SKI: variants seen among roughly 807,000 people sequenced by gnomAD.
SKI encodes SKI proto-oncogene.
A neutral mutation model predicts 59.3 loss-of-function variants in SKI; 23 were observed. The ratio of observed to expected loss-of-function variants is 0.39; its 90% CI spans 0.28 to 0.55. SKI has a LOEUF of 0.55. Among genes scored for constraint, SKI ranks in the 20% least tolerant of loss-of-function variants. The pLI is 0.67. For missense variants in SKI, 1,017 were observed against 1,038.9 expected (o/e 0.98, Z 0.29); for synonymous variants, 673 against 488.6 (o/e 1.38, Z -4.98).
Position 2,303,485 on chromosome 1 carries a change from A to G in SKI, c.1211+85A>G. The G allele has an allele frequency of 7.9e-7, 1 of 1,268,672 alleles. No individual in the cohort carries two copies. Among genetic ancestry groups the G allele is most frequent in the South Asian group, 1.2e-5 (1 of 80,942 alleles). The allele number at this position is 1,268,672 out of a possible 1,614,324, so 78.6% of individuals were successfully genotyped here. A position where few individuals can be genotyped will look rare whatever the true frequency, so the allele number is the denominator to read the frequency against. On this transcript the variant is annotated intron_variant, in intron 3 of 6. Coordinates refer to ENST00000378536, the MANE Select transcript of SKI (RefSeq NM_003036.4). The surrounding 1 kb of genome is among the most constrained non-coding windows in gnomAD (Gnocchi z 5.6). Reference sequence around the variant, plus strand: ...CATGCGGACGCGCCCATGTTTCTGCAGGCTGGGTGCCCAGACCTGCCGCCT... The same window carrying G: ...CATGCGGACGCGCCCATGTTTCTGCGGGCTGGGTGCCCAGACCTGCCGCCT...
At chr1:2,302,809 G>A (rs1477312290) in intron 1 of SKI, among the ~76,000 whole-genome samples, 169 bp from the exon 2 acceptor site, 1 of 152,204 alleles carries the variant, frequency 6.6e-6, no homozygotes, top group Non-Finnish European at 1.5e-5. Context: ...TTTATGCAAA[G>A]TGAACTTGGT....
At chr1:2,234,683 C>G (rs529887592) in intron 1 of SKI, among the ~76,000 whole-genome samples, 1 of 152,338 alleles carries the variant, frequency 6.6e-6, no homozygotes, top group African/African-American at 2.4e-5. Flanking sequence ...GCCCGGCTCT[C>G]TGTGGCAATA....
intron 1 of SKI, among the ~76,000 whole-genome samples, chr1:2,271,567 C>T (rs540808498): frequency 1.3e-5 from 2 of 152,134 alleles, no homozygotes; most frequent in Admixed American, 6.5e-5. Flanking sequence ...GTTGGCTGCC[C>T]TGCCCCGGGC....
At chr1:2,230,305 C>G (rs975240216) in intron 1 of SKI, among the ~76,000 whole-genome samples, 60 of 152,138 alleles carry the variant, frequency 3.9e-4, no homozygotes, top group African/African-American at 1.4e-3. Flanking sequence ...GGGACACAGA[C>G]ACAAAATGAA....
intron 1 of SKI, among the ~76,000 whole-genome samples, chr1:2,273,086 G>C (rs1159136828): frequency 1.3e-5 from 2 of 152,254 alleles, no homozygotes; most frequent in Non-Finnish European, 2.9e-5. Flanking sequence ...CTCTTCCTGA[G>C]ATGGCTTCCG....
At chr1:2,275,194 C>G (rs1042783684) in intron 1 of SKI, among the ~76,000 whole-genome samples, 5 of 152,228 alleles carry the variant, frequency 3.3e-5, no homozygotes, top group Non-Finnish European at 5.9e-5. Flanking sequence ...TCGCGGGGTC[C>G]TGGTCTGATT....
intron 1 of SKI, among the ~76,000 whole-genome samples, chr1:2,244,815 G>A (rs1372541247): frequency 6.6e-6 from 1 of 152,160 alleles, no homozygotes; most frequent in Admixed American, 6.5e-5. Context: ...TAGGCTGACA[G>A]TGAAGGAATG....
rs970699933 is a variant in SKI at position 2,265,786 on chromosome 1, G to A, written c.969+36051G>A. On this transcript the variant is annotated intron_variant, in intron 1 of 6. Transcript: ENST00000378536. ...GTTTGAGACCAGCCTGGGCAACATG[G>A]AGAAACCCTGTCTCTACTTAAAAAT... Among the ~76,000 whole-genome samples, 4 of 152,002 alleles carry A rather than the reference G, an allele frequency of 2.6e-5. No homozygotes were observed. The East Asian group carries it at 7.7e-4, about 29-fold the overall frequency.
At chr1:2,236,963 GAA>G (rs1361061286) in intron 1 of SKI, among the ~76,000 whole-genome samples, 1 of 152,200 alleles carries the variant, frequency 6.6e-6, no homozygotes, top group Non-Finnish European at 1.5e-5. Flanking sequence ...TTGTTTCAGA[GAA>G]ACGCAGCTCA....
chr1:2,283,719 C>A (rs1295909391), intron 1 of SKI, among the ~76,000 whole-genome samples: 4 of 152,202 alleles, frequency 2.6e-5, no homozygotes, highest in Admixed American at 1.3e-4. Flanking sequence ...GCCCTGCTGC[C>A]CATGGCCCGG....
Position 2,303,209 on chromosome 1 carries a change from A to G in SKI, c.1096-76A>G. The G allele has an allele frequency of 6.3e-7, 1 of 1,597,594 alleles. No individual in the cohort carries two copies. The stretch of plus-strand genomic sequence containing the variant: ...CACCTGCCCGCTACTGAGGGCTGGC[A>G]CCCGGCGCAGCCTCAGGGACATGAA... On this transcript the variant is annotated intron_variant, in intron 2 of 6. Coordinates refer to ENST00000378536, the MANE Select transcript of SKI (RefSeq NM_003036.4). This position sits in a 1 kb window ranked among gnomAD's most constrained non-coding sequence, Gnocchi z 5.6.
chr1:2,245,243 T>C (rs943524421), intron 1 of SKI, among the ~76,000 whole-genome samples: 16 of 152,086 alleles, frequency 1.1e-4, no homozygotes, highest in African/African-American at 3.4e-4. Context: ...GGCGCAGCCA[T>C]GCGTAGCCTG....
chr1:2,256,687 G>A (rs1639281792), intron 1 of SKI, among the ~76,000 whole-genome samples: 1 of 152,224 alleles, frequency 6.6e-6, no homozygotes, highest in African/African-American at 2.4e-5. Context: ...AACACTTGTC[G>A]GCGCTCCTCA....
intron 1 of SKI, among the ~76,000 whole-genome samples, chr1:2,274,249 G>A (rs565562674): frequency 6.6e-6 from 1 of 152,240 alleles, no homozygotes; most frequent in South Asian, 2.1e-4. Flanking sequence ...GTTAAATAAA[G>A]ACACAAACTT....
At chr1:2,265,537 G>A (rs1489994072) in intron 1 of SKI, among the ~76,000 whole-genome samples, 1 of 152,144 alleles carries the variant, frequency 6.6e-6, no homozygotes, top group Non-Finnish European at 1.5e-5. Context: ...AGTGTTCTCT[G>A]TGAATTTCTA....
intron 1 of SKI, among the ~76,000 whole-genome samples, chr1:2,239,545 G>C (rs1638821344): frequency 6.6e-6 from 1 of 152,232 alleles, no homozygotes; most frequent in African/African-American, 2.4e-5. Context: ...ACACACCCTG[G>C]ACCTGAATGG....
rs1383522448 is a variant in SKI, at chr1:2,303,913, G to A, written c.1285G>A (p.Val429Ile). 1 of 1,612,218 alleles carries A rather than the reference G, an allele frequency of 6.2e-7. No homozygotes were observed. The highest frequency in any genetic ancestry group is 8.5e-7 in the Non-Finnish European group (1 of 1,179,764). Residue 429 changes from valine (V) to isoleucine (I), a missense_variant, in exon 4 of 7, where the codon GTT becomes ATT. By Grantham distance (29) the Val-to-Ile change is conservative. Transcript: ENST00000378536. This position sits in a 1 kb window ranked among gnomAD's most constrained non-coding sequence, Gnocchi z 5.6. The part of the protein sequence containing the change: ...VALAPPAQQK[V>I]VSSPPCAAAV... ...CCTCGCACCGCCGGCCCAGCAGAAGGTTGTGAGCAGCCCTCCGTGTGCCGC... is the reference window on the plus strand; with the variant it reads ...CCTCGCACCGCCGGCCCAGCAGAAGATTGTGAGCAGCCCTCCGTGTGCCGC...
chr1:2,264,954 G>A (rs1003433090), intron 1 of SKI, among the ~76,000 whole-genome samples: 30 of 152,040 alleles, frequency 2.0e-4, no homozygotes, highest in Non-Finnish European at 1.8e-4. Context: ...GGGATTACAG[G>A]CACCCGCCAC....
chr1:2,258,028 G>A (rs993904398), intron 1 of SKI, among the ~76,000 whole-genome samples: 5 of 152,220 alleles, frequency 3.3e-5, no homozygotes, highest in African/African-American at 9.7e-5. Context: ...TTGATCCACT[G>A]TGCCCAGCCT....
Sources: gnomAD v4.1 joint callset for allele counts (sites outside exome capture counted in the v4.1 genomes callset) on GRCh38, gnomAD v4.1.1 for gene constraint, Gnocchi (gnomAD v3.1) non-coding constraint, MANE v1.5 for transcripts, NCBI Gene and HGNC (gene_info 2026-07-23, HGNC 2026-07-21) for gene names.